Variants in ATAD2B observed in about 807,000 individuals in gnomAD.
The protein encoded by ATAD2B is ATPase family AAA domain-containing protein 2B.
Under a neutral mutation model 167.6 loss-of-function variants are expected in ATAD2B, and 40 were observed. The ratio of observed to expected loss-of-function variants is 0.24; its 90% CI spans 0.19 to 0.31. The LOEUF (loss-of-function observed/expected upper bound fraction) is 0.31, where lower values mean the gene tolerates loss of function less well. Among genes scored for constraint, ATAD2B ranks in the 10% least tolerant of loss-of-function variants. The pLI is 1.00. For synonymous variants in ATAD2B, 579 were observed against 596.5 expected, an observed-to-expected ratio of 0.97 and a Z score of 0.43; for missense variants, 1,242 against 1,757.2, an observed-to-expected ratio of 0.71 and a Z score of 5.24.
chr2:23,712,135 T>C, the ATAD2B span, among the ~76,000 whole-genome samples: 2 of 152,186 alleles, frequency 1.3e-5, no homozygotes, highest in Non-Finnish European at 2.9e-5. Context: ...AGAGCAGGTT[T>C]ACAGCATCTC....
At chr2:23,705,218 C>G in the ATAD2B span, among the ~76,000 whole-genome samples, 1 of 152,182 alleles carries the variant, frequency 6.6e-6, no homozygotes. Flanking sequence ...AAGGGCCAGG[C>G]ACAGTGGCTC....
chr2:23,845,219 C>A (rs1035717348), intron 13 of ATAD2B, among the ~76,000 whole-genome samples: 6 of 152,260 alleles, frequency 3.9e-5, no homozygotes, highest in Admixed American at 6.5e-5. Context: ...CTTATCTCTA[C>A]CCAAGAGCGA....
At chr2:23,767,960 T>C (rs1572671548) in intron 22 of ATAD2B, among the ~76,000 whole-genome samples, 1 of 150,770 alleles carries the variant, frequency 6.6e-6, no homozygotes, top group Admixed American at 6.6e-5. Flanking sequence ...TAGAGAGTAA[T>C]CTCAAAGAGT....
the ATAD2B span, among the ~76,000 whole-genome samples, chr2:23,728,630 T>A: frequency 6.6e-6 from 1 of 152,164 alleles, no homozygotes; most frequent in South Asian, 2.1e-4. Flanking sequence ...TTGAAAACAA[T>A]ATTTACACTA....
At chr2:23,899,149 A>T (rs1489461457) in intron 1 of ATAD2B, among the ~76,000 whole-genome samples, 1 of 152,080 alleles carries the variant, frequency 6.6e-6, no homozygotes, top group Non-Finnish European at 1.5e-5. Context: ...ACTGTCGCAA[A>T]AGAATAATAA....
chr2:23,806,770 A>G (rs944702722), intron 18 of ATAD2B, among the ~76,000 whole-genome samples: 1 of 152,230 alleles, frequency 6.6e-6, no homozygotes, highest in African/African-American at 2.4e-5. Context: ...ATTGAGGACT[A>G]TATGTCAAGC....
the ATAD2B span, among the ~76,000 whole-genome samples, chr2:23,715,115 G>A: frequency 2.0e-5 from 3 of 152,106 alleles, no homozygotes; most frequent in Admixed American, 2.0e-4. Context: ...GCAAAAGTGT[G>A]ACCTGACAAC....
Position 23,810,337 on chromosome 2 carries a change from T to A in ATAD2B, c.2433A>T (p.Thr811=). The stretch of plus-strand genomic sequence containing the variant: ...CTACCTGTGCACATGATTCCTCAGG[T>A]GTTTTGGCACTAACTGAATAAAGTG... ...LPALYSVSAK[T]PEESCAQIFR... Residue 811 remains threonine (T), a synonymous_variant, in exon 18 of 28, where the codon ACA becomes ACT. Coordinates refer to ENST00000238789, the MANE Select transcript of ATAD2B (RefSeq NM_017552.4). 1 of 1,613,726 alleles carries A rather than the reference T, an allele frequency of 6.2e-7. No homozygotes were observed. Among genetic ancestry groups the A allele is most frequent in the South Asian group, 1.1e-5 (1 of 91,050 alleles).
chr2:23,704,750 G>A, the ATAD2B span, among the ~76,000 whole-genome samples: 2 of 152,112 alleles, frequency 1.3e-5, no homozygotes, highest in African/African-American at 4.8e-5. Context: ...CTGGGTGACA[G>A]GAAAAGACTC....
chr2:23,834,565 T>G (rs182352287), intron 13 of ATAD2B, among the ~76,000 whole-genome samples: 26 of 140,728 alleles, frequency 1.8e-4, no homozygotes, highest in African/African-American at 6.5e-4. Flanking sequence ...GAAAATATAG[T>G]AGACACCTAA....
At chr2:23,720,914 C>T in the ATAD2B span, among the ~76,000 whole-genome samples, 1 of 150,876 alleles carries the variant, frequency 6.6e-6, no homozygotes, top group Non-Finnish European at 1.5e-5. Flanking sequence ...ACCAGAGCCA[C>T]CTCTGAAGTG....
At chr2:23,829,613 G>A (rs1688745995) in intron 14 of ATAD2B, among the ~76,000 whole-genome samples, 1 of 152,006 alleles carries the variant, frequency 6.6e-6, no homozygotes, top group Admixed American at 6.6e-5. Flanking sequence ...TAATTAATTG[G>A]GCATGGTGGT....
At chr2:23,698,087 G>C in the ATAD2B span, among the ~76,000 whole-genome samples, 2 of 152,222 alleles carry the variant, frequency 1.3e-5, no homozygotes, top group African/African-American at 4.8e-5. Context: ...TACTCTTCCA[G>C]GGTCCTGGAG....
At chr2:23,700,051 G>A in the ATAD2B span, among the ~76,000 whole-genome samples, 3 of 152,214 alleles carry the variant, frequency 2.0e-5, no homozygotes, top group African/African-American at 7.2e-5. This position sits in a 1 kb window ranked among gnomAD's most constrained non-coding sequence, Gnocchi z 4.6. Flanking sequence ...CTGTGCAAAT[G>A]GACTCCACGT....
intron 2 of ATAD2B, among the ~76,000 whole-genome samples, chr2:23,895,130 C>T (rs949691027): frequency 2.8e-4 from 42 of 152,096 alleles, no homozygotes; most frequent in African/African-American, 1.0e-3. Context: ...TTAAAGAACC[C>T]TTTAGTTCCC....
intron 12 of ATAD2B, among the ~76,000 whole-genome samples, chr2:23,860,864 G>A (rs1694234933): frequency 1.3e-5 from 2 of 152,148 alleles, no homozygotes; most frequent in African/African-American, 4.8e-5. Flanking sequence ...CCAGCTACTT[G>A]GGAGACTAAG....
At chr2:23,860,424 G>C (rs1694166613) in intron 12 of ATAD2B, among the ~76,000 whole-genome samples, 1 of 152,070 alleles carries the variant, frequency 6.6e-6, no homozygotes, top group African/African-American at 2.4e-5. Context: ...TTTTCATCTG[G>C]TACATTTGCA....
chr2:23,889,478 C>T (rs1212194001), intron 2 of ATAD2B, among the ~76,000 whole-genome samples: 1 of 151,908 alleles, frequency 6.6e-6, no homozygotes, highest in African/African-American at 2.4e-5. Context: ...CCTATGACTG[C>T]CTTCTATGTG....
At chr2:23,802,510 A>C (rs530686549) in intron 18 of ATAD2B, among the ~76,000 whole-genome samples, 1 of 152,218 alleles carries the variant, frequency 6.6e-6, no homozygotes, top group East Asian at 1.9e-4. Context: ...TAGTAACACA[A>C]ATTAGCATTT....
Sources: gnomAD v4.1 joint callset for allele counts (sites outside exome capture counted in the v4.1 genomes callset) on GRCh38, gnomAD v4.1.1 for gene constraint, Gnocchi (gnomAD v3.1) non-coding constraint, MANE v1.5 for transcripts, NCBI Gene and HGNC (gene_info 2026-07-23, HGNC 2026-07-21) for gene names.